The following SGCZ variants were observed in gnomAD, a reference collection of about 807,000 sequenced individuals.
SGCZ encodes the protein zeta-sarcoglycan.
SGCZ carries 40 observed loss-of-function variants against 41.3 expected under a neutral mutation model. That is an observed-to-expected ratio of 0.97 (90% confidence interval 0.75 to 1.26). The LOEUF (loss-of-function observed/expected upper bound fraction) is 1.26. Ranked by LOEUF, SGCZ falls within the 50% of genes most tolerant of loss-of-function variation. The pLI is 0.00. For missense variants in SGCZ, 552 were observed against 369.8 expected, an observed-to-expected ratio of 1.49 and a Z score of -4.04; for synonymous variants, 206 against 137.5, an observed-to-expected ratio of 1.50 and a Z score of -3.49.
intron 1 of SGCZ, among the ~76,000 whole-genome samples, chr8:15,012,585 CATATAAATATATATTTATATAAT>C (rs1802869847): frequency 8.5e-6 from 1 of 117,874 alleles, no homozygotes; most frequent in Admixed American, 1.0e-4. Flanking sequence ...ATTTATATAA[CATATAAATATATATTTATATAAT>C]ACATATATGT....
intron 1 of SGCZ, among the ~76,000 whole-genome samples, chr8:14,623,912 G>A (rs1806364476): frequency 6.6e-6 from 1 of 152,168 alleles, no homozygotes; most frequent in African/African-American, 2.4e-5. Flanking sequence ...GGACTTTTCT[G>A]TGAGGGAGAA....
rs986289657 is a variant in SGCZ at position 14,974,592 on chromosome 8, T to G, written c.39+262993A>C. 2.0e-5 allele frequency among the ~76,000 whole-genome samples: 3 copies of G among 152,270 alleles called. No homozygotes were observed. The East Asian group carries it at 5.8e-4, about 29-fold the overall frequency. ...ACCCACACCAATTAAATCACAATGT[T>G]TTGAAGTGAAACCCAACTTCAGTGT... On this transcript the variant is annotated intron_variant, in intron 1 of 7. Coordinates refer to ENST00000382080, the MANE Select transcript of SGCZ (RefSeq NM_139167.4).
At chr8:15,233,592 G>C (rs79190811) in intron 1 of SGCZ, among the ~76,000 whole-genome samples, 7,787 of 152,050 alleles carry the variant, frequency 0.051, 308 homozygotes, top group Non-Finnish European at 0.075. Context: ...GTTCTTGGTA[G>C]ATGAAATGTT....
intron 1 of SGCZ, among the ~76,000 whole-genome samples, chr8:14,984,637 C>A (rs1333488214): frequency 6.6e-6 from 1 of 152,038 alleles, no homozygotes; most frequent in Non-Finnish European, 1.5e-5. Context: ...GTCATTCGAT[C>A]CAAATGCTTG....
At chr8:14,911,557 TA>T (rs1406395533) in intron 1 of SGCZ, among the ~76,000 whole-genome samples, 2 of 151,958 alleles carry the variant, frequency 1.3e-5, no homozygotes, top group Non-Finnish European at 2.9e-5. Context: ...ACAATTTTTA[TA>T]AAAATAAAAT....
At chr8:14,388,545 A>C (rs1804652467) in intron 2 of SGCZ, among the ~76,000 whole-genome samples, 1 of 152,046 alleles carries the variant, frequency 6.6e-6, no homozygotes, top group African/African-American at 2.4e-5. Context: ...TGGTCTCAGC[A>C]ACGAATGAGT....
At chr8:15,057,471 G>C (rs942837198) in intron 1 of SGCZ, among the ~76,000 whole-genome samples, 2 of 152,132 alleles carry the variant, frequency 1.3e-5, no homozygotes, top group Non-Finnish European at 2.9e-5. Context: ...AGCAAGTAGA[G>C]TTGAAGCAAT....
At chr8:14,942,527 C>A (rs1284913387) in intron 1 of SGCZ, among the ~76,000 whole-genome samples, 1 of 152,072 alleles carries the variant, frequency 6.6e-6, no homozygotes, top group African/African-American at 2.4e-5. Flanking sequence ...TCTAAATAAT[C>A]TTACATTTAA....
intron 1 of SGCZ, among the ~76,000 whole-genome samples, chr8:14,982,144 C>T (rs564624111): frequency 3.1e-4 from 37 of 120,420 alleles, no homozygotes; most frequent in South Asian, 2.6e-3. Context: ...GACAACAGAG[C>T]GAGACTCTGT....
At chr8:14,439,122 G>A (rs1197223276) in intron 2 of SGCZ, among the ~76,000 whole-genome samples, 1 of 151,722 alleles carries the variant, frequency 6.6e-6, no homozygotes, top group Non-Finnish European at 1.5e-5. Flanking sequence ...ATTCCCCTAT[G>A]GGCTCTGCCT....
chr8:14,335,247 G>A (rs1471727515), intron 2 of SGCZ, among the ~76,000 whole-genome samples: 2 of 152,090 alleles, frequency 1.3e-5, no homozygotes, highest in Non-Finnish European at 2.9e-5. Flanking sequence ...TTTAGTGTCT[G>A]AAGATCCTTC....
chr8:14,947,707 A>G (rs527477035), intron 1 of SGCZ, among the ~76,000 whole-genome samples: 3 of 152,320 alleles, frequency 2.0e-5, no homozygotes, highest in African/African-American at 7.2e-5. Flanking sequence ...ATGACACCTG[A>G]AAGAAAAGCA....
chr8:14,349,031 T>A (rs1802995001), intron 2 of SGCZ, among the ~76,000 whole-genome samples: 1 of 152,074 alleles, frequency 6.6e-6, no homozygotes, highest in African/African-American at 2.4e-5. Flanking sequence ...ATCATCCAAA[T>A]CCTTTTTAAT....
At chr8:14,637,606 G>C (rs1427171138) in intron 1 of SGCZ, among the ~76,000 whole-genome samples, 2 of 151,690 alleles carry the variant, frequency 1.3e-5, no homozygotes, top group African/African-American at 2.4e-5. Flanking sequence ...ATTTGCTTAG[G>C]ATAATGGCAT....
At chr8:14,779,101 A>G (rs1450221097) in intron 1 of SGCZ, among the ~76,000 whole-genome samples, 1 of 152,242 alleles carries the variant, frequency 6.6e-6, no homozygotes, top group Non-Finnish European at 1.5e-5. Context: ...TGTAATATTC[A>G]GCTTCTAACA....
intron 1 of SGCZ, among the ~76,000 whole-genome samples, chr8:14,647,500 A>G (rs13257353): frequency 0.55 from 82,967 of 151,792 alleles, 23,048 homozygotes; most frequent in South Asian, 0.67. Flanking sequence ...AAAATAAAAC[A>G]TATCTATGTA....
intron 3 of SGCZ, among the ~76,000 whole-genome samples, chr8:14,264,957 T>C (rs181948605): frequency 6.9e-4 from 105 of 152,248 alleles, no homozygotes; most frequent in African/African-American, 2.5e-3. Context: ...AGCGAGACTC[T>C]GTCTCAAAAA....
chr8:14,569,798 C>T (rs7823541), intron 1 of SGCZ, among the ~76,000 whole-genome samples: 77 of 152,160 alleles, frequency 5.1e-4, no homozygotes, highest in Admixed American at 1.6e-3. Context: ...AGCTTTGCAG[C>T]CATTGAGGTA....
chr8:14,658,279 ACTT>A (rs1341865555), intron 1 of SGCZ, among the ~76,000 whole-genome samples: 1 of 152,134 alleles, frequency 6.6e-6, no homozygotes, highest in African/African-American at 2.4e-5. Flanking sequence ...GAAAGTGTCT[ACTT>A]CTTACCTTAC....
Sources: allele counts gnomAD v4.1 joint callset (sites outside exome capture counted in the v4.1 genomes callset), GRCh38; gene constraint gnomAD v4.1.1; transcripts MANE v1.5; gene names NCBI Gene and HGNC (gene_info 2026-07-23, HGNC 2026-07-21).